CLASP1: variants seen among roughly 807,000 people sequenced by gnomAD.
CLASP1 encodes the protein cytoplasmic linker associated protein 1, also known as CLIP-associating protein 1.
Under a neutral mutation model 192.3 loss-of-function variants are expected in CLASP1, and 38 were observed. The observed-to-expected ratio is 0.20, with a 90% CI of 0.15 to 0.26. The LOEUF is 0.26. Among genes scored for constraint, CLASP1 ranks in the 10% least tolerant of loss-of-function variants. The probability of loss-of-function intolerance (pLI) is 1.00; values close to 1 mark genes in which losing one functional copy is unlikely to be tolerated. For synonymous variants in CLASP1, 691 were observed against 712.8 expected, an observed-to-expected ratio of 0.97 and a Z score of 0.49; for missense variants, 1,433 against 1,932.5, an observed-to-expected ratio of 0.74 and a Z score of 4.85.
intron 37 of CLASP1, among the ~76,000 whole-genome samples, chr2:121,355,971 G>A (rs12614123): frequency 0.19 from 28,407 of 152,204 alleles, 4,763 homozygotes; most frequent in African/African-American, 0.44. Context: ...TAAGAAAAGC[G>A]TAATTTTCAC....
At chr2:121,645,698 T>C (rs1471084387) in intron 1 of CLASP1, among the ~76,000 whole-genome samples, 2 of 151,252 alleles carry the variant, frequency 1.3e-5, no homozygotes, top group East Asian at 3.9e-4. Context: ...CAGCAAGGAG[T>C]GAGGAAACTT....
intron 8 of CLASP1, among the ~76,000 whole-genome samples, chr2:121,499,311 A>C (rs1575484238): frequency 6.6e-6 from 1 of 152,210 alleles, no homozygotes; most frequent in Non-Finnish European, 1.5e-5. Flanking sequence ...AGTGAAAGAC[A>C]CCAGACACAA....
rs780476457 is a variant in CLASP1 at position 121,578,102 on chromosome 2, T to G, written c.195+27599A>C. 2.5e-4 allele frequency among the ~76,000 whole-genome samples: 38 copies of G among 151,986 alleles called. 1 individual carries two copies. The highest frequency in any genetic ancestry group is 1.2e-4 in the Non-Finnish European group (8 of 68,000). ...CACCTGCCACCACGTCCGGCTAATT[T>G]TTAAATTTTTTATAGAGATAGGGTT... On this transcript the variant is annotated intron_variant, in intron 2 of 39. Coordinates refer to ENST00000263710, the Ensembl canonical transcript of CLASP1.
At chr2:121,488,373 T>A (rs953506841) in intron 8 of CLASP1, among the ~76,000 whole-genome samples, 3 of 152,190 alleles carry the variant, frequency 2.0e-5, no homozygotes, top group Non-Finnish European at 2.9e-5. Flanking sequence ...CACTGGCTCC[T>A]CAGCAAAGGG....
chr2:121,482,303 G>A (rs560944873), intron 8 of CLASP1, among the ~76,000 whole-genome samples: 1 of 152,216 alleles, frequency 6.6e-6, no homozygotes, highest in East Asian at 1.9e-4. Context: ...CTCTGCGAGT[G>A]TGCCCATCGG....
chr2:121,534,583 G>T (rs2094992506), intron 2 of CLASP1, among the ~76,000 whole-genome samples: 3 of 152,016 alleles, frequency 2.0e-5, no homozygotes, highest in African/African-American at 7.3e-5. Context: ...TGTTGCCCAG[G>T]CTGGAGTGCA....
intron 19 of CLASP1, among the ~76,000 whole-genome samples, chr2:121,442,627 A>C (rs757568444): frequency 6.6e-6 from 1 of 152,062 alleles, no homozygotes; most frequent in East Asian, 1.9e-4. Flanking sequence ...CTAGAGGCAC[A>C]CACCACCACA....
At chr2:121,543,111 A>T (rs1470495705) in intron 2 of CLASP1, among the ~76,000 whole-genome samples, 1 of 152,200 alleles carries the variant, frequency 6.6e-6, no homozygotes, top group African/African-American at 2.4e-5. Context: ...AAACCACCAC[A>T]GGAGGCTCAT....
intron 39 of CLASP1, among the ~76,000 whole-genome samples, chr2:121,341,574 G>GA (rs2062792999): frequency 6.6e-6 from 1 of 152,206 alleles, no homozygotes; most frequent in African/African-American, 2.4e-5. Context: ...TAAATGGATT[G>GA]AAAATGAAAG....
intron 8 of CLASP1, among the ~76,000 whole-genome samples, chr2:121,492,258 G>A (rs1029333019): frequency 3.3e-5 from 5 of 151,474 alleles, no homozygotes; most frequent in South Asian, 2.1e-4. Context: ...GCGTGGTGGC[G>A]GGCACCTGTA....
intron 8 of CLASP1, among the ~76,000 whole-genome samples, chr2:121,473,734 CAGA>C (rs2091170390): frequency 6.6e-6 from 1 of 152,166 alleles, no homozygotes; most frequent in Non-Finnish European, 1.5e-5. Flanking sequence ...ACATAGCACA[CAGA>C]AGAACAAGCA....
Position 121,337,946 on chromosome 2 carries a change from C to G in CLASP1, c.*2915G>C, listed in dbSNP as rs1314096641. 1.0e-4 allele frequency: 9 copies of G among 89,278 alleles called. No homozygotes were observed. In the South Asian group the frequency reaches 2.5e-3, roughly 25 times the overall value. 5.5% of individuals were successfully genotyped at this position (89,278 alleles called of 1,614,324 possible). A position where few individuals can be genotyped will look rare whatever the true frequency, so the allele number is the denominator to read the frequency against. On this transcript the variant is annotated 3_prime_UTR_variant, in exon 40 of 40. Coordinates refer to ENST00000263710, the Ensembl canonical transcript of CLASP1. ...GATATGGATGTAACATGAAAAAGCC[C>G]CCCCCCCCAAAAAAACCCAAAAAAC...
chr2:121,398,196 G>T, intron 29 of CLASP1, 126 bp downstream of exon 30: 1 of 706,308 alleles, frequency 1.4e-6, no homozygotes, highest in Non-Finnish European at 2.4e-6. Context: ...TGTCCACAAA[G>T]AATCAAACAA....
At chr2:121,546,927 C>T (rs2057498130) in intron 2 of CLASP1, among the ~76,000 whole-genome samples, 1 of 152,182 alleles carries the variant, frequency 6.6e-6, no homozygotes, top group African/African-American at 2.4e-5. Flanking sequence ...CAACCACCAC[C>T]TACAGGTGCC....
intron 16 of CLASP1, 143 bp downstream of exon 16, chr2:121,450,770 A>C (rs1574975116): frequency 1.7e-6 from 1 of 591,722 alleles, no homozygotes; most frequent in Non-Finnish European, 3.0e-6. Context: ...GAAATATTCC[A>C]AAATGGCCTT....
chr2:121,473,291 TA>T (rs2091081452), intron 8 of CLASP1, among the ~76,000 whole-genome samples: 1 of 152,162 alleles, frequency 6.6e-6, no homozygotes, highest in Non-Finnish European at 1.5e-5. Context: ...TTACAGATTT[TA>T]AGAAAACATA....
intron 37 of CLASP1, among the ~76,000 whole-genome samples, chr2:121,356,312 A>G (rs1480171336): frequency 6.6e-6 from 1 of 152,262 alleles, no homozygotes; most frequent in African/African-American, 2.4e-5. Context: ...CCTGAGTTTA[A>G]GTATCCACCA....
At chr2:121,561,734 G>C (rs1258145594) in intron 2 of CLASP1, among the ~76,000 whole-genome samples, 1 of 152,246 alleles carries the variant, frequency 6.6e-6, no homozygotes, top group Non-Finnish European at 1.5e-5. Flanking sequence ...GGGCAAGTGA[G>C]TCAGGCCTTC....
chr2:121,629,183 G>A (rs903311902), intron 1 of CLASP1, among the ~76,000 whole-genome samples: 2 of 151,988 alleles, frequency 1.3e-5, no homozygotes, highest in African/African-American at 2.4e-5. Context: ...GAGGTCAGGA[G>A]ATCAAGACCA....
Sources: allele counts gnomAD v4.1 joint callset (sites outside exome capture counted in the v4.1 genomes callset), GRCh38; gene constraint gnomAD v4.1.1; transcripts MANE v1.5; gene names NCBI Gene and HGNC (gene_info 2026-07-23, HGNC 2026-07-21).